LRRC8D: variants seen among roughly 807,000 people sequenced by gnomAD.
The protein encoded by LRRC8D is leucine rich repeat containing 8 VRAC subunit D.
Under a neutral mutation model 55.8 loss-of-function variants are expected in LRRC8D, and 20 were observed. The ratio of observed to expected loss-of-function variants is 0.36; its 90% CI spans 0.25 to 0.52. LRRC8D has a LOEUF of 0.52. Among genes scored for constraint, LRRC8D ranks in the 20% least tolerant of loss-of-function variants. LRRC8D has a pLI of 0.93. For synonymous variants in LRRC8D, 352 were observed against 377.0 expected (o/e 0.93, Z 0.77); for missense variants, 651 against 1,030.8 (o/e 0.63, Z 5.05).
At chr1:89,843,099 C>T (rs1488599117) in intron 1 of LRRC8D, 3 of 152,394 alleles carry the variant, frequency 2.0e-5, no homozygotes, top group South Asian at 2.1e-4. Flanking sequence ...TTGAATCTCT[C>T]ACAGCTGCTG....
chr1:89,913,421 T>C (rs1570884829), intron 2 of LRRC8D, among the ~76,000 whole-genome samples: 1 of 152,180 alleles, frequency 6.6e-6, no homozygotes, highest in Non-Finnish European at 1.5e-5. Context: ...CATCTGGGCC[T>C]ACCCTATAAG....
At chr1:89,864,801 G>A (rs1325056460) in intron 2 of LRRC8D, among the ~76,000 whole-genome samples, 9 of 151,946 alleles carry the variant, frequency 5.9e-5, no homozygotes, top group Non-Finnish European at 1.2e-4. Flanking sequence ...ACCTACCCCC[G>A]ACCCCTCACC....
intron 2 of LRRC8D, among the ~76,000 whole-genome samples, chr1:89,909,956 C>A (rs1663094000): frequency 6.6e-6 from 1 of 152,026 alleles, no homozygotes; most frequent in Admixed American, 6.6e-5. Flanking sequence ...TTAGCCCCTC[C>A]TTTCATGTTC....
chr1:89,854,655 TTCTGTGAGA>T (rs1661506194), intron 2 of LRRC8D, among the ~76,000 whole-genome samples: 1 of 152,196 alleles, frequency 6.6e-6, no homozygotes, highest in Non-Finnish European at 1.5e-5. Context: ...CTCTCAGAAC[TTCTGTGAGA>T]TTTGCACATC....
chr1:89,847,957 G>T (rs1221296646), intron 2 of LRRC8D, among the ~76,000 whole-genome samples: 1 of 152,162 alleles, frequency 6.6e-6, no homozygotes, highest in Admixed American at 6.5e-5. Flanking sequence ...TCTACAGGTT[G>T]GGAATTGAGG....
chr1:89,903,914 G>T (rs1360719578), intron 2 of LRRC8D, among the ~76,000 whole-genome samples: 1 of 152,134 alleles, frequency 6.6e-6, no homozygotes, highest in African/African-American at 2.4e-5. Context: ...TCTGGTATCT[G>T]ATATTCACAC....
At chr1:89,880,932 G>A (rs1260950048) in intron 2 of LRRC8D, among the ~76,000 whole-genome samples, 2 of 151,852 alleles carry the variant, frequency 1.3e-5, no homozygotes, top group Admixed American at 6.6e-5. Context: ...CATGTCACTA[G>A]CACTGGAATC....
At chr1:89,917,531 C>G (rs1663305902) in intron 2 of LRRC8D, among the ~76,000 whole-genome samples, 1 of 152,122 alleles carries the variant, frequency 6.6e-6, no homozygotes, top group Non-Finnish European at 1.5e-5. Flanking sequence ...TTTCAGTTCT[C>G]TGGTCATTCT....
intron 2 of LRRC8D, among the ~76,000 whole-genome samples, chr1:89,905,852 G>A (rs1662975948): frequency 6.6e-6 from 1 of 152,186 alleles, no homozygotes; most frequent in South Asian, 2.1e-4. Flanking sequence ...GGAAGGCCCG[G>A]TGTATTGTAA....
intron 2 of LRRC8D, among the ~76,000 whole-genome samples, chr1:89,913,868 G>A (rs562467027): frequency 1.3e-5 from 2 of 152,276 alleles, no homozygotes; most frequent in African/African-American, 4.8e-5. Context: ...CATGCTTGCC[G>A]ACATGCAGAT....
intron 2 of LRRC8D, among the ~76,000 whole-genome samples, chr1:89,925,139 C>T (rs1215267938): frequency 6.6e-6 from 1 of 152,204 alleles, no homozygotes; most frequent in Non-Finnish European, 1.5e-5. Context: ...TTAGCTCTGC[C>T]TCTTGTCAGA....
chr1:89,921,396 A>G (rs1046485043), intron 2 of LRRC8D, among the ~76,000 whole-genome samples: 5 of 152,204 alleles, frequency 3.3e-5, no homozygotes, highest in East Asian at 1.9e-4. Context: ...TGATTACATT[A>G]ATCAAGCCAT....
chr1:89,881,281 A>G (rs927703494), intron 2 of LRRC8D, among the ~76,000 whole-genome samples: 20 of 152,190 alleles, frequency 1.3e-4, no homozygotes, highest in South Asian at 1.2e-3. Context: ...CTTCGATTGC[A>G]TATTCTTTGG....
At chr1:89,882,563 C>T (rs1662311823) in intron 2 of LRRC8D, among the ~76,000 whole-genome samples, 2 of 152,160 alleles carry the variant, frequency 1.3e-5, no homozygotes, top group Admixed American at 1.3e-4. Flanking sequence ...TATAGTCCAT[C>T]TAGGAGAAGA....
chr1:89,917,247 C>T (rs1663296417), intron 2 of LRRC8D, among the ~76,000 whole-genome samples: 1 of 152,188 alleles, frequency 6.6e-6, no homozygotes, highest in South Asian at 2.1e-4. Flanking sequence ...TTCTACCACT[C>T]ACAACCTAGT....
At chr1:89,925,250 A>G (rs1209491337) in intron 2 of LRRC8D, among the ~76,000 whole-genome samples, 1 of 152,158 alleles carries the variant, frequency 6.6e-6, no homozygotes, top group Non-Finnish European at 1.5e-5. Flanking sequence ...CTAATGTCCG[A>G]TGATTTGTCA....
At chr1:89,902,212 A>T (rs1032021857) in intron 2 of LRRC8D, among the ~76,000 whole-genome samples, 3 of 152,270 alleles carry the variant, frequency 2.0e-5, no homozygotes, top group Admixed American at 6.5e-5. Flanking sequence ...TCTCTGGAAG[A>T]TGCTCCTGCA....
intron 1 of LRRC8D, among the ~76,000 whole-genome samples, chr1:89,835,496 T>C (rs1013676591): frequency 6.6e-6 from 1 of 152,210 alleles, no homozygotes; most frequent in East Asian, 1.9e-4. Context: ...ATGGCTCTAA[T>C]CCTTATGCCC....
intron 2 of LRRC8D, among the ~76,000 whole-genome samples, chr1:89,860,868 G>A (rs1422547544): frequency 2.4e-5 from 3 of 126,312 alleles, no homozygotes; most frequent in Non-Finnish European, 3.2e-5. Flanking sequence ...TCTTTTTAAC[G>A]TTCTCCATTC....
Sources: allele counts gnomAD v4.1 joint callset (sites outside exome capture counted in the v4.1 genomes callset), GRCh38; gene constraint gnomAD v4.1.1; transcripts MANE v1.5; gene names NCBI Gene and HGNC (gene_info 2026-07-23, HGNC 2026-07-21).